The following RICTOR variants were observed in gnomAD, a reference collection of about 807,000 sequenced individuals.
The protein encoded by RICTOR is RPTOR independent companion of MTOR complex 2, also known as rapamycin-insensitive companion of mTOR.
Under a neutral mutation model 214.9 loss-of-function variants are expected in RICTOR, and 49 were observed. That is an observed-to-expected ratio of 0.23 (90% CI 0.18 to 0.29). The LOEUF (loss-of-function observed/expected upper bound fraction) is 0.29, where lower values mean the gene tolerates loss of function less well. Among genes scored for constraint, RICTOR ranks in the 10% least tolerant of loss-of-function variants. The pLI, the probability that RICTOR is intolerant of heterozygous loss-of-function variation, is 1.00. For missense variants in RICTOR, 1,625 were observed against 2,047.0 expected (o/e 0.79, Z 3.98); for synonymous variants, 717 against 711.3 (o/e 1.01, Z -0.13).
intron 2 of RICTOR, among the ~76,000 whole-genome samples, chr5:39,031,200 G>C (rs979275052): frequency 1.3e-5 from 2 of 152,138 alleles, no homozygotes; most frequent in African/African-American, 4.8e-5. Context: ...CAGAAACAAT[G>C]ATTATTACAG....
chr5:38,943,971 G>A (rs993700643), intron 36 of RICTOR, among the ~76,000 whole-genome samples: 3 of 152,010 alleles, frequency 2.0e-5, no homozygotes, highest in African/African-American at 2.4e-5. Context: ...TTTGGTCTCA[G>A]GACTTACTTT....
At chr5:39,029,995 T>C (rs1756148407) in intron 2 of RICTOR, among the ~76,000 whole-genome samples, 1 of 152,172 alleles carries the variant, frequency 6.6e-6, no homozygotes, top group Non-Finnish European at 1.5e-5. Context: ...ATTACTTTCA[T>C]GATCCAAGAT....
intron 11 of RICTOR, among the ~76,000 whole-genome samples, chr5:38,968,428 C>CTATACCTT (rs1750417449): frequency 6.6e-6 from 1 of 151,474 alleles, no homozygotes; most frequent in Admixed American, 6.6e-5. Flanking sequence ...ATTTACTATA[C>CTATACCTT]TATACCTTTT....
At chr5:39,018,391 T>C (rs1298262859) in intron 3 of RICTOR, among the ~76,000 whole-genome samples, 1 of 152,146 alleles carries the variant, frequency 6.6e-6, no homozygotes, top group Non-Finnish European at 1.5e-5. Flanking sequence ...CTTACAAGCA[T>C]ACTTCATTTT....
intron 2 of RICTOR, among the ~76,000 whole-genome samples, chr5:39,070,479 TA>T (rs76668465): frequency 0.015 from 2,092 of 140,440 alleles, 38 homozygotes; most frequent in African/African-American, 0.045. Flanking sequence ...CCGTCTCAAA[TA>T]AAAAAAAAAA....
chr5:39,050,811 G>C (rs1757784332), intron 2 of RICTOR, among the ~76,000 whole-genome samples: 1 of 152,122 alleles, frequency 6.6e-6, no homozygotes, highest in South Asian at 2.1e-4. Flanking sequence ...AATGAAATAA[G>C]ATTGTCCCAT....
intron 3 of RICTOR, among the ~76,000 whole-genome samples, chr5:39,007,847 A>G (rs1411612454): frequency 2.0e-5 from 3 of 150,022 alleles, no homozygotes; most frequent in Non-Finnish European, 4.4e-5. Flanking sequence ...GTTTTTAAAT[A>G]TATTGTAAAA....
At chr5:38,973,417 G>C (rs572456392) in intron 10 of RICTOR, among the ~76,000 whole-genome samples, 9 of 152,116 alleles carry the variant, frequency 5.9e-5, no homozygotes, top group Non-Finnish European at 1.3e-4. Context: ...ACTGATGAAC[G>C]CCCAGTGGGA....
At chr5:39,032,883 C>CTTGAGAAA (rs1756372100) in intron 2 of RICTOR, among the ~76,000 whole-genome samples, 2 of 152,170 alleles carry the variant, frequency 1.3e-5, no homozygotes, top group Admixed American at 1.3e-4. Context: ...CTCAACCCAA[C>CTTGAGAAA]TTGGGGAACA....
chr5:38,962,382 A>G (rs1273845291), intron 18 of RICTOR, 21 bp from the exon 19 acceptor site: 2 of 1,246,098 alleles, frequency 1.6e-6, no homozygotes, highest in Non-Finnish European at 2.3e-6. Context: ...ATAATATGTT[A>G]TATTACATAT....
chr5:38,959,069 T>A, intron 22 of RICTOR, 126 bp downstream of exon 22: 2 of 808,394 alleles, frequency 2.5e-6, no homozygotes. Context: ...TTGGAGAAAC[T>A]AAAATTTTAA....
chr5:38,992,418 G>C (rs1333683247), intron 6 of RICTOR, among the ~76,000 whole-genome samples: 2 of 152,132 alleles, frequency 1.3e-5, no homozygotes, highest in Non-Finnish European at 1.5e-5. Flanking sequence ...ACAGCAAAAT[G>C]CATGTAATAT....
At chr5:39,069,964 T>C (rs1263178689) in intron 2 of RICTOR, among the ~76,000 whole-genome samples, 1 of 152,248 alleles carries the variant, frequency 6.6e-6, no homozygotes, top group African/African-American at 2.4e-5. Context: ...TATAGTTTGA[T>C]TACTTAATTT....
At chr5:38,943,071 AT>A (rs1747766573) in intron 36 of RICTOR, 100 bp from the exon 37 acceptor site, 16 of 725,572 alleles carry the variant, frequency 2.2e-5, no homozygotes, top group Non-Finnish European at 3.7e-5. Context: ...CCCTACAGAT[AT>A]GGATTAGATG....
At chr5:39,030,255 A>C (rs1177001508) in intron 2 of RICTOR, among the ~76,000 whole-genome samples, 1 of 152,176 alleles carries the variant, frequency 6.6e-6, no homozygotes, top group African/African-American at 2.4e-5. Flanking sequence ...GAAACCTCAA[A>C]CAAATCCTTA....
intron 2 of RICTOR, among the ~76,000 whole-genome samples, chr5:39,069,513 A>C (rs1241461745): frequency 6.6e-6 from 1 of 152,228 alleles, no homozygotes; most frequent in Non-Finnish European, 1.5e-5. Context: ...TTATTCTTTG[A>C]ATCAGGGTAA....
intron 9 of RICTOR, among the ~76,000 whole-genome samples, chr5:38,976,739 C>A (rs1579973039): frequency 6.6e-6 from 1 of 152,248 alleles, no homozygotes; most frequent in Non-Finnish European, 1.5e-5. Context: ...CTGATATCTA[C>A]CTGCTTATAC....
rs944056527 is a variant in RICTOR, at chr5:38,941,849, G to A, written c.*455C>T. The A allele has an allele frequency of 8.6e-6, 2 of 233,330 alleles. No homozygotes were observed. The highest frequency in any genetic ancestry group is 1.7e-5 in the Non-Finnish European group (2 of 117,962). 14.5% of individuals were successfully genotyped at this position (233,330 alleles called of 1,614,324 possible). A position where few individuals can be genotyped will look rare whatever the true frequency, so the allele number is the denominator to read the frequency against. ...GCACACCCCATTGTGGTAATAGGAT[G>A]CAGCCTTAGAGACACTGATTCCTGC... On this transcript the variant is annotated 3_prime_UTR_variant, in exon 38 of 38. Coordinates refer to ENST00000357387, the MANE Select transcript of RICTOR (RefSeq NM_152756.5).
chr5:38,948,070 T>A, intron 31 of RICTOR, among the ~76,000 whole-genome samples: 1 of 152,084 alleles, frequency 6.6e-6, no homozygotes, highest in East Asian at 1.9e-4. Context: ...ATAACAAATA[T>A]GATACACTGA....
Sources: allele counts gnomAD v4.1 joint callset (sites outside exome capture counted in the v4.1 genomes callset), GRCh38; gene constraint gnomAD v4.1.1; transcripts MANE v1.5; gene names NCBI Gene and HGNC (gene_info 2026-07-23, HGNC 2026-07-21).